The following BAZ2B variants were observed in gnomAD, a reference collection of about 807,000 sequenced individuals.
The protein encoded by BAZ2B is bromodomain adjacent to zinc finger domain 2B.
Under a neutral mutation model 246.0 loss-of-function variants are expected in BAZ2B, and 91 were observed. The ratio of observed to expected loss-of-function variants is 0.37; its 90% CI spans 0.31 to 0.44. The LOEUF (loss-of-function observed/expected upper bound fraction) is 0.44. BAZ2B is among the 20% of genes least tolerant of loss of function. BAZ2B has a pLI of 1.00. For missense variants in BAZ2B, 2,332 were observed against 2,533.7 expected (o/e 0.92, Z 1.71); for synonymous variants, 855 against 860.0 (o/e 0.99, Z 0.10).
chr2:159,586,137 C>T (rs1349526090), intron 1 of BAZ2B, among the ~76,000 whole-genome samples: 2 of 152,134 alleles, frequency 1.3e-5, no homozygotes, highest in Admixed American at 6.5e-5. Context: ...TAAAATTTCA[C>T]GTTAAACCTA....
At chr2:159,430,740 C>G in intron 10 of BAZ2B, 123 bp downstream of exon 10, 2 of 1,447,616 alleles carry the variant, frequency 1.4e-6, no homozygotes, top group Middle Eastern at 2.4e-4. Flanking sequence ...CCTTCCTTAG[C>G]CAACCTAAAA....
At chr2:159,365,761 A>G (rs895026522) in intron 27 of BAZ2B, among the ~76,000 whole-genome samples, 3 of 152,234 alleles carry the variant, frequency 2.0e-5, no homozygotes, top group Admixed American at 1.3e-4. Context: ...TGTGGAACTT[A>G]CTGTTGCAGA....
At chr2:159,698,833 A>G in the BAZ2B span, among the ~76,000 whole-genome samples, 12 of 152,178 alleles carry the variant, frequency 7.9e-5, no homozygotes, top group South Asian at 4.1e-4. Context: ...ATAGTTATAA[A>G]TATTTCTTAC....
intron 2 of BAZ2B, among the ~76,000 whole-genome samples, chr2:159,545,643 C>T (rs2087227791): frequency 6.6e-6 from 1 of 152,094 alleles, no homozygotes; most frequent in Non-Finnish European, 1.5e-5. Context: ...TACTGGGTCA[C>T]TACTAGGAAA....
At chr2:159,476,257 G>A (rs1445011237) in intron 3 of BAZ2B, among the ~76,000 whole-genome samples, 1 of 151,618 alleles carries the variant, frequency 6.6e-6, no homozygotes, top group Non-Finnish European at 1.5e-5. Context: ...CACTGTGAAA[G>A]TTAAAAAAAA....
the BAZ2B span, among the ~76,000 whole-genome samples, chr2:159,668,549 T>C: frequency 6.6e-6 from 1 of 152,236 alleles, no homozygotes; most frequent in African/African-American, 2.4e-5. Context: ...TACTGCTTTC[T>C]CTTTTATCTC....
At chr2:159,463,263 CTGTTCT>C (rs1193909429) in intron 3 of BAZ2B, 1 of 400,516 alleles carries the variant, frequency 2.5e-6, no homozygotes, top group Non-Finnish European at 4.8e-6. Flanking sequence ...CCATCTTGGG[CTGTTCT>C]CAACATTTAT....
chr2:159,590,587 G>A (rs868627205), intron 1 of BAZ2B, among the ~76,000 whole-genome samples: 8 of 134,048 alleles, frequency 6.0e-5, no homozygotes, highest in Admixed American at 7.4e-5. Context: ...ACAAAACTCC[G>A]ACTCAAAATA....
the BAZ2B span, among the ~76,000 whole-genome samples, chr2:159,622,179 G>T: frequency 6.9e-6 from 1 of 145,244 alleles, no homozygotes; most frequent in Non-Finnish European, 1.5e-5. Context: ...CAAGGCAGAA[G>T]GATCGCTTGA....
chr2:159,449,791 G>GT (rs1456871558), intron 4 of BAZ2B, among the ~76,000 whole-genome samples: 2 of 152,144 alleles, frequency 1.3e-5, no homozygotes, highest in Non-Finnish European at 2.9e-5. Flanking sequence ...GGAAGAAAAA[G>GT]TATGTGTTTT....
chr2:159,431,302 C>T, intron 9 of BAZ2B, 146 bp from the exon 10 acceptor site: 1 of 1,238,558 alleles, frequency 8.1e-7, no homozygotes, highest in Non-Finnish European at 1.1e-6. Flanking sequence ...ATGTTATAAG[C>T]TATTTGAGAA....
intron 8 of BAZ2B, chr2:159,435,277 C>T (rs559268796): frequency 6.6e-6 from 1 of 151,992 alleles, no homozygotes; most frequent in African/African-American, 2.4e-5. Context: ...ACCCCCACCT[C>T]CCGGGTTCAA....
chr2:159,619,543 T>A (rs1029052447), upstream of BAZ2B, among the ~76,000 whole-genome samples: 1 of 150,602 alleles, frequency 6.6e-6, no homozygotes, highest in Admixed American at 6.6e-5. Flanking sequence ...TCAATAAAAA[T>A]AATAAAAACT....
At position 159,580,178 on chromosome 2, in the gene BAZ2B, T is replaced by C. The variant is rs565193648; in HGVS notation, c.-45-24313A>G. Among the ~76,000 whole-genome samples, 8 of 152,356 alleles carry C rather than the reference T, an allele frequency of 5.3e-5. No homozygotes were observed. The East Asian group carries it at 1.5e-3, about 29-fold the overall frequency. ...TTTTTATTTAGAAAACCCCATCGTC[T>C]CAGCCCAAAATCTCCTTAAGCTGAT... On this transcript the variant is annotated intron_variant, in intron 1 of 36. Transcript: ENST00000392783.
At chr2:159,472,432 T>C (rs1378460307) in intron 3 of BAZ2B, among the ~76,000 whole-genome samples, 1 of 152,102 alleles carries the variant, frequency 6.6e-6, no homozygotes, top group African/African-American at 2.4e-5. Flanking sequence ...AATTTTCTAT[T>C]GGAAATTTTC....
intron 1 of BAZ2B, among the ~76,000 whole-genome samples, chr2:159,580,600 G>A (rs1002913039): frequency 5.3e-5 from 8 of 152,034 alleles, no homozygotes; most frequent in African/African-American, 1.7e-4. Context: ...AAGAGCTCGC[G>A]TTGCCAAGAC....
At chr2:159,385,510 CA>C in intron 22 of BAZ2B, 141 bp from the exon 23 acceptor site, 1 of 664,544 alleles carries the variant, frequency 1.5e-6, no homozygotes, top group Non-Finnish European at 2.5e-6. Flanking sequence ...GAAAGAGACA[CA>C]AAAATAGTCA....
chr2:159,400,134 T>C (rs928494462), intron 17 of BAZ2B, among the ~76,000 whole-genome samples: 1 of 152,216 alleles, frequency 6.6e-6, no homozygotes, highest in Non-Finnish European at 1.5e-5. Flanking sequence ...GTCCTCTATC[T>C]CTATTCTAAT....
the BAZ2B span, among the ~76,000 whole-genome samples, chr2:159,636,224 C>T: frequency 1.2e-4 from 18 of 152,222 alleles, no homozygotes; most frequent in African/African-American, 3.4e-4. Flanking sequence ...GGTGAGCAAT[C>T]ACAGTACCTG....
Sources: gnomAD v4.1 joint callset for allele counts (sites outside exome capture counted in the v4.1 genomes callset) on GRCh38, gnomAD v4.1.1 for gene constraint, MANE v1.5 for transcripts, NCBI Gene and HGNC (gene_info 2026-07-23, HGNC 2026-07-21) for gene names.